Variants in TSPEAR observed in about 807,000 individuals in gnomAD.
TSPEAR encodes thrombospondin type laminin G domain and EAR repeats.
TSPEAR carries 69 observed loss-of-function variants against 71.6 expected under a neutral mutation model. The ratio of observed to expected loss-of-function variants is 0.96; its 90% CI spans 0.79 to 1.18. The LOEUF is 1.18. TSPEAR is among the 50% of genes most tolerant of loss of function. The pLI, the probability that TSPEAR is intolerant of heterozygous loss-of-function variation, is 0.00. For synonymous variants in TSPEAR, 402 were observed against 387.2 expected, an observed-to-expected ratio of 1.04 and a Z score of -0.45; for missense variants, 971 against 894.9, an observed-to-expected ratio of 1.09 and a Z score of -1.09.
chr21:44,666,474 A>G, intron 1 of TSPEAR: 1 of 1,597,470 alleles, frequency 6.3e-7, no homozygotes, highest in Non-Finnish European at 8.5e-7. Flanking sequence ...ACTGTAGGAG[A>G]TGGGTCTGCA....
At chr21:44,514,661 G>A (rs950586728) in intron 9 of TSPEAR, among the ~76,000 whole-genome samples, 10 of 152,212 alleles carry the variant, frequency 6.6e-5, no homozygotes, top group Non-Finnish European at 1.5e-4. Context: ...CGTCAGCTCA[G>A]GGAGCAGGAC....
At chr21:44,647,359 C>T in intron 1 of TSPEAR, 1 of 1,612,612 alleles carries the variant, frequency 6.2e-7, no homozygotes, top group South Asian at 1.1e-5. Flanking sequence ...CTGCTGAGTG[C>T]TCAATCCTTG....
At chr21:44,632,549 G>T (rs1555935893) in intron 1 of TSPEAR, among the ~76,000 whole-genome samples, 1 of 152,188 alleles carries the variant, frequency 6.6e-6, no homozygotes, top group African/African-American at 2.4e-5. Context: ...AAGAAATAAA[G>T]AACTGGCTGG....
rs1555933875 is a variant in TSPEAR at position 44,623,655 on chromosome 21, T to C, written c.83-55650A>G. On this transcript the variant is annotated intron_variant, in intron 1 of 11. Transcript: ENST00000323084. The surrounding 1 kb of genome is among the most constrained non-coding windows in gnomAD (Gnocchi z 4.5). ...GCATCCAGAGAACATCATTTTCCTG[T>C]CCTCATTTTTGAGGATCTTCTTCCC... Among the ~76,000 whole-genome samples the C allele has an allele frequency of 6.6e-6, 1 of 152,236 alleles. No homozygotes were observed. Among genetic ancestry groups the C allele is most frequent in the Admixed American group, 6.5e-5 (1 of 15,282 alleles).
Position 44,567,797 on chromosome 21 carries a change from A to G in TSPEAR, c.291T>C (p.Asn97=). ...AAGTGCCACTGACCTTGGGTGGAAG[A>G]TTGGGAACTCTCAAAGTTACGACGA... ...FSIVVTLRVP[N]LPPKRNEYLL... Residue 97 remains asparagine, a synonymous_variant, in exon 2 of 12, where the codon AAT becomes AAC. Transcript: ENST00000323084. 1 of 1,576,298 alleles carries G rather than the reference A, an allele frequency of 6.3e-7. No individual in the cohort carries two copies. Among genetic ancestry groups the G allele is most frequent in the Non-Finnish European group, 8.6e-7 (1 of 1,160,208 alleles).
intron 1 of TSPEAR, among the ~76,000 whole-genome samples, chr21:44,575,563 G>A (rs976328169): frequency 2.0e-5 from 3 of 152,180 alleles, no homozygotes; most frequent in African/African-American, 7.2e-5. Context: ...TCGGGCCCTT[G>A]GGTTTGTCCC....
At chr21:44,592,559 G>C (rs1980056411) in intron 1 of TSPEAR, 3 of 1,543,042 alleles carry the variant, frequency 1.9e-6, no homozygotes, top group South Asian at 2.5e-5. Context: ...TATTCCACCT[G>C]GCCTTGTTGT....
chr21:44,639,539 C>T (rs1159083619), intron 1 of TSPEAR, among the ~76,000 whole-genome samples: 2 of 152,134 alleles, frequency 1.3e-5, no homozygotes, highest in Non-Finnish European at 2.9e-5. Flanking sequence ...TTGTCCACCT[C>T]CTTGGAAGCA....
intron 1 of TSPEAR, among the ~76,000 whole-genome samples, chr21:44,595,757 T>C (rs1459496961): frequency 6.6e-6 from 1 of 152,200 alleles, no homozygotes; most frequent in Non-Finnish European, 1.5e-5. Flanking sequence ...TGTGTAAACA[T>C]ATATGCACAT....
intron 1 of TSPEAR, among the ~76,000 whole-genome samples, chr21:44,606,369 C>T (rs781798656): frequency 3.3e-5 from 5 of 152,058 alleles, no homozygotes; most frequent in African/African-American, 1.2e-4. Flanking sequence ...AAGATGAAAG[C>T]GAACAAGTGT....
chr21:44,676,026 C>T, intron 1 of TSPEAR: 1 of 857,022 alleles, frequency 1.2e-6, no homozygotes, highest in Non-Finnish European at 2.0e-6. Context: ...ACAAATTTTG[C>T]TACTAGCTCC....
At chr21:44,547,807 T>A (rs1399301662) in intron 2 of TSPEAR, among the ~76,000 whole-genome samples, 1 of 150,830 alleles carries the variant, frequency 6.6e-6, no homozygotes, top group African/African-American at 2.4e-5. Context: ...TGCTTGCACC[T>A]TTACTTCCTG....
intron 1 of TSPEAR, among the ~76,000 whole-genome samples, chr21:44,641,228 G>A (rs987212965): frequency 1.2e-4 from 19 of 152,312 alleles, no homozygotes; most frequent in African/African-American, 2.6e-4. Flanking sequence ...CTGAACAAGC[G>A]ATGATGCAGA....
At chr21:44,701,514 T>C (rs1987645937) in intron 1 of TSPEAR, among the ~76,000 whole-genome samples, 2 of 152,246 alleles carry the variant, frequency 1.3e-5, no homozygotes, top group African/African-American at 2.4e-5. Flanking sequence ...CTCACCATCA[T>C]GTCAAATCAG....
intron 9 of TSPEAR, chr21:44,518,595 C>T (rs782708520): frequency 1.5e-5 from 7 of 464,440 alleles, no homozygotes; most frequent in Non-Finnish European, 2.7e-5. Flanking sequence ...GCCTAGTTGA[C>T]GAGAAAGTCA....
At chr21:44,516,795 G>A (rs1023788381) in intron 9 of TSPEAR, among the ~76,000 whole-genome samples, 11 of 152,168 alleles carry the variant, frequency 7.2e-5, no homozygotes, top group African/African-American at 2.7e-4. Context: ...CACCTGCTTC[G>A]TCCTTGGACC....
At chr21:44,576,925 A>ATTTATC (rs1978497208) in intron 1 of TSPEAR, among the ~76,000 whole-genome samples, 1 of 152,238 alleles carries the variant, frequency 6.6e-6, no homozygotes, top group Non-Finnish European at 1.5e-5. Flanking sequence ...AGGAGGGATG[A>ATTTATC]AATCACAGGA....
Position 44,627,418 on chromosome 21 carries a change from T to C in TSPEAR, c.83-59413A>G, listed in dbSNP as rs200443060. 262 of 1,613,712 alleles carry C rather than the reference T, an allele frequency of 1.6e-4. No homozygotes were observed. The African/African-American group carries it at 2.9e-3, about 18-fold the overall frequency. Reference sequence around the variant, plus strand: ...CTGCACGCCCTCGTGCTGCCAGCAGTCTAGCTGCCAGCCGGCTTACTGCAC... The same window carrying C: ...CTGCACGCCCTCGTGCTGCCAGCAGCCTAGCTGCCAGCCGGCTTACTGCAC... On this transcript the variant is annotated intron_variant, in intron 1 of 11. Transcript: ENST00000323084.
rs2052842739 is a variant in TSPEAR at position 44,525,771 on chromosome 21, C to A, written c.1218G>T (p.Trp406Cys). 3 of 1,614,016 alleles carry A rather than the reference C, an allele frequency of 1.9e-6. No homozygotes were observed. Among genetic ancestry groups the A allele is most frequent in the Admixed American group, 1.7e-5 (1 of 60,004 alleles). ...GGGTAAACTTCAGCTTTCTGTGGCT[C>A]CATTTGTAAATGACAGAGAACTCCT... is the stretch of plus-strand genomic sequence containing the variant. ...KGQEFSVIYK[W>C]SHRKLKFTPY... Residue 406 changes from tryptophan to cysteine, a missense_variant, in exon 8 of 12, where the codon TGG becomes TGT. Physicochemically the swap from Trp to Cys is radical, Grantham distance 215 (BLOSUM62 -2). Coordinates refer to ENST00000323084, the MANE Select transcript of TSPEAR (RefSeq NM_144991.3).
Sources: allele counts gnomAD v4.1 joint callset (sites outside exome capture counted in the v4.1 genomes callset), GRCh38; gene constraint gnomAD v4.1.1; non-coding constraint Gnocchi (gnomAD v3.1); transcripts MANE v1.5; gene names NCBI Gene and HGNC (gene_info 2026-07-23, HGNC 2026-07-21).